The following DLG2 variants were observed in gnomAD, a reference collection of about 807,000 sequenced individuals.
DLG2 encodes discs large MAGUK scaffold protein 2.
A neutral mutation model predicts 132.5 loss-of-function variants in DLG2; 45 were observed. The ratio of observed to expected loss-of-function variants is 0.34; its 90% CI spans 0.27 to 0.44. The LOEUF is 0.44. Ranked by LOEUF, DLG2 falls within the 20% of genes least tolerant of loss-of-function variation. The pLI is 1.00. For missense variants in DLG2, 1,045 were observed against 1,196.9 expected, an observed-to-expected ratio of 0.87 and a Z score of 1.87; for synonymous variants, 424 against 419.6, an observed-to-expected ratio of 1.01 and a Z score of -0.13.
At chr11:84,116,917 T>C (rs1349137715) in intron 9 of DLG2, among the ~76,000 whole-genome samples, 1 of 152,238 alleles carries the variant, frequency 6.6e-6, no homozygotes, top group South Asian at 2.1e-4. Flanking sequence ...TTTGTTATTA[T>C]GTTGCACTTT....
chr11:83,760,110 A>T (rs2093835415), intron 18 of DLG2, among the ~76,000 whole-genome samples: 1 of 152,216 alleles, frequency 6.6e-6, no homozygotes, highest in African/African-American at 2.4e-5. Context: ...AACAAACTCA[A>T]CATCCAAAAG....
chr11:84,428,976 G>T (rs1185525448), intron 7 of DLG2, among the ~76,000 whole-genome samples: 2 of 152,160 alleles, frequency 1.3e-5, no homozygotes, highest in African/African-American at 4.8e-5. Context: ...TTAGTGGCAT[G>T]GAGGGTGAGA....
chr11:85,491,141 C>T (rs751525774), intron 3 of DLG2, among the ~76,000 whole-genome samples: 1 of 151,882 alleles, frequency 6.6e-6, no homozygotes, highest in Non-Finnish European at 1.5e-5. Flanking sequence ...AAACGTGATA[C>T]CTTATATAAA....
At chr11:85,506,672 G>A (rs1241855281) in intron 3 of DLG2, among the ~76,000 whole-genome samples, 2 of 152,314 alleles carry the variant, frequency 1.3e-5, no homozygotes, top group East Asian at 1.9e-4. Flanking sequence ...GCAATGTGGT[G>A]CTGAGAAGAA....
At chr11:85,614,509 C>G (rs2081214245) in intron 2 of DLG2, among the ~76,000 whole-genome samples, 1 of 151,816 alleles carries the variant, frequency 6.6e-6, no homozygotes, top group South Asian at 2.1e-4. Flanking sequence ...GCATGGAGGC[C>G]CATGCCTGTA....
chr11:84,012,228 G>A (rs1295108991), intron 11 of DLG2, among the ~76,000 whole-genome samples: 1 of 152,122 alleles, frequency 6.6e-6, no homozygotes, highest in Non-Finnish European at 1.5e-5. Flanking sequence ...AAACATTTTA[G>A]TTATTGTTTC....
chr11:84,887,708 G>A (rs996256218), intron 6 of DLG2, among the ~76,000 whole-genome samples: 1 of 152,124 alleles, frequency 6.6e-6, no homozygotes, highest in Non-Finnish European at 1.5e-5. Flanking sequence ...TGGGAAAACT[G>A]AGGCTCAGAC....
intron 7 of DLG2, among the ~76,000 whole-genome samples, chr11:84,352,970 C>T (rs1407039962): frequency 6.6e-6 from 1 of 152,170 alleles, no homozygotes; most frequent in Non-Finnish European, 1.5e-5. Context: ...ACATATTACT[C>T]TTCTGTCTTC....
At chr11:84,173,615 T>G (rs1238573850) in intron 8 of DLG2, among the ~76,000 whole-genome samples, 1 of 152,204 alleles carries the variant, frequency 6.6e-6, no homozygotes, top group Non-Finnish European at 1.5e-5. Flanking sequence ...TTCTTTTACT[T>G]GAGTATAATA....
At chr11:85,570,022 T>A (rs1183036218) in intron 3 of DLG2, among the ~76,000 whole-genome samples, 1 of 152,170 alleles carries the variant, frequency 6.6e-6, no homozygotes, top group Non-Finnish European at 1.5e-5. Flanking sequence ...AAGTGGGGCA[T>A]GGGTTGAAAA....
chr11:85,157,816 T>A (rs775603096), intron 4 of DLG2, among the ~76,000 whole-genome samples: 4 of 152,172 alleles, frequency 2.6e-5, no homozygotes, highest in Non-Finnish European at 5.9e-5. Context: ...AGGTCTCTCA[T>A]GAAGCTGGGA....
intron 25 of DLG2, among the ~76,000 whole-genome samples, chr11:83,467,330 G>C (rs879518165): frequency 6.6e-6 from 1 of 152,144 alleles, no homozygotes; most frequent in African/African-American, 2.4e-5. Context: ...ACACCTCATT[G>C]TCTCACCCTG....
chr11:84,274,488 C>A (rs2097766641), intron 7 of DLG2, among the ~76,000 whole-genome samples: 1 of 152,158 alleles, frequency 6.6e-6, no homozygotes, highest in South Asian at 2.1e-4. Flanking sequence ...AGTTTGATAA[C>A]ATACACGAAA....
intron 3 of DLG2, among the ~76,000 whole-genome samples, chr11:85,338,701 ATTTTTTTTTTT>A (rs35378658): frequency 1.2e-5 from 1 of 83,562 alleles, no homozygotes; most frequent in South Asian, 3.8e-4. Flanking sequence ...TGTATAAATA[ATTTTTTTTTTT>A]TTTTTTTTTT....
intron 3 of DLG2, among the ~76,000 whole-genome samples, chr11:85,414,629 G>A (rs2089652366): frequency 6.6e-6 from 1 of 151,968 alleles, no homozygotes; most frequent in Admixed American, 6.6e-5. Flanking sequence ...CCAGCGTATA[G>A]TTTTAATACA....
intron 6 of DLG2, among the ~76,000 whole-genome samples, chr11:84,892,249 T>C (rs890951919): frequency 4.6e-5 from 7 of 152,190 alleles, no homozygotes; most frequent in Non-Finnish European, 8.8e-5. Context: ...AATTGAGTCA[T>C]ATTGGGATGT....
At chr11:84,330,700 A>T (rs2098454524) in intron 7 of DLG2, among the ~76,000 whole-genome samples, 1 of 152,194 alleles carries the variant, frequency 6.6e-6, no homozygotes, top group Non-Finnish European at 1.5e-5. Context: ...ACCATGAAAC[A>T]ATGTGTCTAA....
At chr11:84,856,441 C>A (rs2082802553) in intron 6 of DLG2, among the ~76,000 whole-genome samples, 1 of 152,032 alleles carries the variant, frequency 6.6e-6, no homozygotes, top group African/African-American at 2.4e-5. Context: ...TTTCTCCTCT[C>A]TCTGAAGATG....
chr11:85,337,361 C>T (rs761489607), intron 3 of DLG2, among the ~76,000 whole-genome samples: 15 of 152,224 alleles, frequency 9.9e-5, no homozygotes, highest in South Asian at 4.2e-4. Context: ...TATGATTACA[C>T]GCCTGAACCA....
Sources: allele counts gnomAD v4.1 joint callset (sites outside exome capture counted in the v4.1 genomes callset), GRCh38; gene constraint gnomAD v4.1.1; transcripts MANE v1.5; gene names NCBI Gene and HGNC (gene_info 2026-07-23, HGNC 2026-07-21).